PRODH2: variants seen among roughly 807,000 people sequenced by gnomAD.
PRODH2 encodes the protein hydroxyproline dehydrogenase.
PRODH2 carries 49 observed loss-of-function variants against 51.9 expected under a neutral mutation model. The ratio of observed to expected loss-of-function variants is 0.94; its 90% CI spans 0.75 to 1.20. PRODH2 has a LOEUF of 1.20. Among genes scored for constraint, PRODH2 ranks in the 50% most tolerant of loss-of-function variants. The probability of loss-of-function intolerance (pLI) is 0.00; values close to 1 mark genes in which losing one functional copy is unlikely to be tolerated. For synonymous variants in PRODH2, 249 were observed against 260.7 expected (o/e 0.96, Z 0.43); for missense variants, 597 against 610.9 (o/e 0.98, Z 0.24).
chr19:35,804,803 G>A (rs539074061), intron 7 of PRODH2, among the ~76,000 whole-genome samples: 1 of 152,322 alleles, frequency 6.6e-6, no homozygotes, highest in East Asian at 1.9e-4. Context: ...GGGTATGGTG[G>A]TGTGCGCTGG....
In PRODH2 at chr19:35,812,651, A is replaced by G. The variant is rs780020658; in HGVS notation, c.155T>C (p.Leu52Pro). The G allele has an allele frequency of 3.1e-6, 5 of 1,593,596 alleles. No homozygotes were observed. The highest frequency in any genetic ancestry group is 4.3e-6 in the Non-Finnish European group (5 of 1,167,026). The change falls in exon 1 of 10, where the codon CTC (leucine) becomes CCC (proline). Residue 52 changes from leucine to proline, a missense_variant. By Grantham distance (98) the Leu-to-Pro change is moderately conservative. Coordinates refer to ENST00000653904, the MANE Select transcript of PRODH2 (RefSeq NM_021232.2). ...GCTCACCAACAGCCCGTGAGTGACG[A>G]GTGGGGGCCAGGCACACAGCCGGAG... is the stretch of plus-strand genomic sequence containing the variant. Reference protein sequence around the residue: ...LVLRLCAWPPLVTHGLLLQAW... With the variant: ...LVLRLCAWPPPVTHGLLLQAW...
At chr19:35,809,998 T>G (rs1433547492) in intron 4 of PRODH2, among the ~76,000 whole-genome samples, 34 of 96,468 alleles carry the variant, frequency 3.5e-4, no homozygotes, top group African/African-American at 1.3e-3. Flanking sequence ...CTGGGCGTGG[T>G]GGCTCACGCC....
chr19:35,802,953 C>A lies in PRODH2; in HGVS notation c.1112+15G>T. The A allele has an allele frequency of 6.6e-7, 1 of 1,514,354 alleles. No homozygotes were observed. Among genetic ancestry groups the A allele is most frequent in the African/African-American group, 1.4e-5 (1 of 73,012 alleles). The allele number at this position is 1,514,354 out of a possible 1,614,324, so 93.8% of individuals were successfully genotyped here. A position where few individuals can be genotyped will look rare whatever the true frequency, so the allele number is the denominator to read the frequency against. On this transcript the variant is annotated intron_variant, in intron 8 of 9. Coordinates refer to ENST00000653904, the MANE Select transcript of PRODH2 (RefSeq NM_021232.2). Reference sequence around the variant, plus strand: ...TTGTGGGCACCTATTTCCCGCCCATCCCTCCACCTCATACCGCTTGGTTGC... The same window carrying A: ...TTGTGGGCACCTATTTCCCGCCCATACCTCCACCTCATACCGCTTGGTTGC...
chr19:35,800,055 G>T lies in PRODH2; in HGVS notation c.1366C>A (p.Arg456=), dbSNP rs760371034. ...CAGGGGTGCTAGTGGGGTATCCTTC[G>T]GCATCCTGGCAGCAGCCGCCGCCAC... is the stretch of plus-strand genomic sequence containing the variant. ...ELWRRLLPGC[R]RIPH is the part of the protein sequence containing the mutation. Residue 456 remains arginine, a synonymous_variant, in exon 10 of 10, where the codon CGA becomes AGA. Transcript: ENST00000653904. The T allele has an allele frequency of 6.2e-7, 1 of 1,611,302 alleles. No homozygotes were observed. The highest frequency in any genetic ancestry group is 8.5e-7 in the Non-Finnish European group (1 of 1,179,120).
chr19:35,812,798 C>G lies in PRODH2; in HGVS notation c.8G>C (p.Arg3Pro), dbSNP rs370209287. 3 of 1,591,552 alleles carry G rather than the reference C, an allele frequency of 1.9e-6. No individual in the cohort carries two copies. In the Admixed American group the frequency reaches 5.2e-5, roughly 28 times the overall value. Residue 3 changes from arginine to proline, a missense_variant, in exon 1 of 10, where the codon CGG becomes CCG. Coordinates refer to ENST00000653904, the MANE Select transcript of PRODH2 (RefSeq NM_021232.2). Reference sequence around the variant, plus strand: ...TTGGGAACAGAGCACGTAACAGGTCCGGAGCATCCTGGGTCCCTGGCTGCC... The same window carrying G: ...TTGGGAACAGAGCACGTAACAGGTCGGGAGCATCCTGGGTCCCTGGCTGCC... MLRTCYVLCSQAG... is the reference protein window; with the variant it reads MLPTCYVLCSQAG...
At position 35,800,016 on chromosome 19, in the gene PRODH2, C is replaced by G. The variant is rs780414330; in HGVS notation, c.*22G>C. ...GGCAGCACCTAAGGACTTTTATTGA[C>G]CACATGACCCCCTCAGGGGTGCTAG... is the stretch of plus-strand genomic sequence containing the variant. On this transcript the variant is annotated 3_prime_UTR_variant, in exon 10 of 10. Coordinates refer to ENST00000653904, the MANE Select transcript of PRODH2 (RefSeq NM_021232.2). 1 of 1,599,172 alleles carries G rather than the reference C, an allele frequency of 6.3e-7. No individual in the cohort carries two copies. Among genetic ancestry groups the G allele is most frequent in the Admixed American group, 1.7e-5 (1 of 58,576 alleles).
intron 4 of PRODH2, among the ~76,000 whole-genome samples, chr19:35,807,925 A>G (rs1972540543): frequency 6.6e-6 from 1 of 151,332 alleles, no homozygotes. Flanking sequence ...ACAGGCACCC[A>G]CCACCATGCC....
intron 4 of PRODH2, 120 bp downstream of exon 4, chr19:35,811,842 A>C (rs919017642): frequency 4.2e-6 from 4 of 956,494 alleles, no homozygotes; most frequent in African/African-American, 3.3e-5. Context: ...CTACAGCTGC[A>C]CTTCTGCTGG....
At chr19:35,808,833 T>A (rs1431886609) in intron 4 of PRODH2, among the ~76,000 whole-genome samples, 1 of 137,698 alleles carries the variant, frequency 7.3e-6, no homozygotes, top group African/African-American at 2.7e-5. Flanking sequence ...TTTTTTGAGA[T>A]AGATCTCACT....
At chr19:35,812,336 C>T (rs1393075004) in intron 2 of PRODH2, 24 bp downstream of exon 2, 1 of 1,610,262 alleles carries the variant, frequency 6.2e-7, no homozygotes, top group East Asian at 2.2e-5. Flanking sequence ...TCCCAGCCTC[C>T]CTGGGCCCTG....
Position 35,812,835 on chromosome 19 carries a change from G to A in PRODH2, c.-30C>T, listed in dbSNP as rs767624815. 2 of 1,556,290 alleles carry A rather than the reference G, an allele frequency of 1.3e-6. No homozygotes were observed. Among genetic ancestry groups the A allele is most frequent in the Non-Finnish European group, 1.7e-6 (2 of 1,147,874 alleles). On this transcript the variant is annotated 5_prime_UTR_variant, in exon 1 of 10. Coordinates refer to ENST00000653904, the MANE Select transcript of PRODH2 (RefSeq NM_021232.2). ...GGTCCCTGGCTGCCTCCACACCAGG[G>A]AAGGTTCTCTGGAGGCAGCAAGTTC...
intron 8 of PRODH2, 57 bp downstream of exon 8, chr19:35,802,911 A>G: frequency 8.0e-7 from 1 of 1,252,432 alleles, no homozygotes; most frequent in Non-Finnish European, 1.1e-6. Context: ...AGCAAAGGAG[A>G]GGAAGGGAGG....
rs1051960453 is a variant in PRODH2, at chr19:35,812,727, C to G, written c.79G>C (p.Gly27Arg). The G allele has an allele frequency of 4.3e-6, 7 of 1,611,504 alleles. No individual in the cohort carries two copies. In the African/African-American group the frequency reaches 6.7e-5, roughly 15 times the overall value. The change falls in exon 1 of 10, where the codon GGG becomes CGG. Residue 27 changes from glycine to arginine, a missense_variant. Coordinates refer to ENST00000653904, the MANE Select transcript of PRODH2 (RefSeq NM_021232.2). Reference sequence around the variant, plus strand: ...CCTGTGCCCTTAAGGTGGAAGGCCCCGCCATCAAAGCTCAGGGACTGCCAG... The same window carrying G: ...CCTGTGCCCTTAAGGTGGAAGGCCCGGCCATCAAAGCTCAGGGACTGCCAG... ...RGWQSLSFDG[G>R]AFHLKGTGEL... is the part of the protein sequence containing the mutation.
At chr19:35,801,099 G>A (rs866956553) in intron 9 of PRODH2, among the ~76,000 whole-genome samples, 15 of 152,120 alleles carry the variant, frequency 9.9e-5, no homozygotes, top group Admixed American at 9.2e-4. Flanking sequence ...CCCAGGAGGC[G>A]GAGGTTGAAG....
chr19:35,802,187 A>G lies in PRODH2; in HGVS notation c.1198+4T>C. On this transcript the variant is annotated splice_donor_region_variant and intron_variant, in intron 9 of 9. Coordinates refer to ENST00000653904, the MANE Select transcript of PRODH2 (RefSeq NM_021232.2). ...TGATGGGGGTGGGGGAGCCATTCAC[A>G]TACCCAGTGCTAGAGAGACGTGGTC... The G allele has an allele frequency of 6.2e-7, 1 of 1,613,828 alleles. No individual in the cohort carries two copies. Among genetic ancestry groups the G allele is most frequent in the Non-Finnish European group, 8.5e-7 (1 of 1,179,798 alleles).
chr19:35,809,282 G>A (rs1031305787), intron 4 of PRODH2, among the ~76,000 whole-genome samples: 1 of 152,054 alleles, frequency 6.6e-6, no homozygotes, highest in African/African-American at 2.4e-5. Context: ...TTTTTGTAGA[G>A]ATGAGGGTTT....
Position 35,802,996 on chromosome 19 carries a change from C to T in PRODH2, c.1084G>A (p.Glu362Lys). The T allele has an allele frequency of 6.4e-7, 1 of 1,572,328 alleles. No homozygotes were observed. Residue 362 changes from glutamate to lysine, a missense_variant, in exon 8 of 10, where the codon GAG becomes AAG. By Grantham distance (56) the Glu-to-Lys change is moderately conservative. Coordinates refer to ENST00000653904, the MANE Select transcript of PRODH2 (RefSeq NM_021232.2). ...TTGGTTGCCTGGCGAACAGATTCCT[C>T]ATTGTGGGAAGCCACCATGAGGTGG... ...MCHLMVASHN[E>K]ESVRQATKRM...
chr19:35,804,338 GC>G (rs1972477175), intron 7 of PRODH2, among the ~76,000 whole-genome samples: 1 of 152,128 alleles, frequency 6.6e-6, no homozygotes, highest in South Asian at 2.1e-4. Flanking sequence ...CAGGTGTGAG[GC>G]CCTGCACCTG....
At chr19:35,809,958 CAAAAAAAAAAAAA>C (rs1175392997) in intron 4 of PRODH2, among the ~76,000 whole-genome samples, 9 of 12,822 alleles carry the variant, frequency 7.0e-4, no homozygotes, top group South Asian at 0.016. Flanking sequence ...GATGCCGCTT[CAAAAAAAAAAAAA>C]AAAAAAAAAA....
Sources: gnomAD v4.1 joint callset for allele counts (sites outside exome capture counted in the v4.1 genomes callset) on GRCh38, gnomAD v4.1.1 for gene constraint, MANE v1.5 for transcripts, NCBI Gene and HGNC (gene_info 2026-07-23, HGNC 2026-07-21) for gene names.